ADAMTS15: variants seen among roughly 807,000 people sequenced by gnomAD.
ADAMTS15 encodes the protein ADAM metallopeptidase with thrombospondin type 1 motif 15.
Under a neutral mutation model 79.1 loss-of-function variants are expected in ADAMTS15, and 35 were observed. That is an observed-to-expected ratio of 0.44 (90% confidence interval 0.34 to 0.59). ADAMTS15 has a LOEUF of 0.59. Among genes scored for constraint, ADAMTS15 ranks in the 20% least tolerant of loss-of-function variants. The pLI is 0.02. For synonymous variants in ADAMTS15, 616 were observed against 567.3 expected (o/e 1.09, Z -1.22); for missense variants, 1,324 against 1,318.7 (o/e 1.00, Z -0.06).
intron 5 of ADAMTS15, among the ~76,000 whole-genome samples, chr11:130,470,089 T>C (rs895829979): frequency 6.5e-5 from 9 of 138,568 alleles, no homozygotes; most frequent in Non-Finnish European, 1.4e-4. Context: ...TACTTCAGAA[T>C]TATAGTAGTT....
chr11:130,471,795 AAT>A, intron 7 of ADAMTS15, among the ~76,000 whole-genome samples: 1 of 152,140 alleles, frequency 6.6e-6, no homozygotes, highest in Non-Finnish European at 1.5e-5. Flanking sequence ...GTATAATACT[AAT>A]ATATTTCATG....
chr11:130,471,078 T>C lies in ADAMTS15; in HGVS notation c.1879T>C (p.Tyr627His), dbSNP rs766547214. The change falls in exon 6 of 8, where the codon TAC (tyrosine) becomes CAC (histidine). Residue 627 changes from tyrosine to histidine, a missense_variant. By Grantham distance (83) the Tyr-to-His change is moderately conservative (BLOSUM62 2). Coordinates refer to ENST00000299164, the MANE Select transcript of ADAMTS15 (RefSeq NM_139055.4). Reference sequence around the variant, plus strand: ...CATCTGCCGAGCCAATGGCACTGGCTACTTCTATGTGCTGGCACCCAAGGT... The same window carrying C: ...CATCTGCCGAGCCAATGGCACTGGCCACTTCTATGTGCTGGCACCCAAGGT... ...KLICRANGTGYFYVLAPKVVD... is the reference protein window; with the variant it reads ...KLICRANGTGHFYVLAPKVVD... 1.7e-5 allele frequency: 28 copies of C among 1,613,940 alleles called. No homozygotes were observed. Among genetic ancestry groups the C allele is most frequent in the Non-Finnish European group, 2.2e-5 (26 of 1,179,936 alleles).
chr11:130,450,529 G>A (rs553431288), intron 1 of ADAMTS15: 4 of 758,452 alleles, frequency 5.3e-6, no homozygotes, highest in Admixed American at 1.3e-4. Context: ...AGTACTGCGA[G>A]CATCCCTCCT....
chr11:130,448,911 G>C lies in ADAMTS15; in HGVS notation c.-63G>C. On this transcript the variant is annotated 5_prime_UTR_variant, in exon 1 of 8. Transcript: ENST00000299164. Reference sequence around the variant, plus strand: ...AGAGTGCGGGCTGCACGGAGACCGCGGCAGCGGCCGGAGAGCCCGGCCCAG... The same window carrying C: ...AGAGTGCGGGCTGCACGGAGACCGCCGCAGCGGCCGGAGAGCCCGGCCCAG... The C allele has an allele frequency of 7.7e-7, 1 of 1,301,134 alleles. No homozygotes were observed. The allele number at this position is 1,301,134 out of a possible 1,614,324, so 80.6% of individuals were successfully genotyped here.
At chr11:130,450,338 C>T (rs1937938787) in intron 1 of ADAMTS15, 1 of 985,328 alleles carries the variant, frequency 1.0e-6, no homozygotes, top group African/African-American at 1.7e-5. Flanking sequence ...TGAGTCTTCT[C>T]GGACACCTCC....
At chr11:130,458,676 A>C (rs1051806865) in intron 1 of ADAMTS15, among the ~76,000 whole-genome samples, 1 of 152,200 alleles carries the variant, frequency 6.6e-6, no homozygotes, top group African/African-American at 2.4e-5. Flanking sequence ...GGATAAAGTC[A>C]CACATCTACT....
At chr11:130,457,291 T>C (rs1174619945) in intron 1 of ADAMTS15, among the ~76,000 whole-genome samples, 1 of 151,886 alleles carries the variant, frequency 6.6e-6, no homozygotes, top group African/African-American at 2.4e-5. Context: ...TTTGTACTGC[T>C]GGAAAACATT....
At position 130,473,650 on chromosome 11, in the gene ADAMTS15, C is replaced by T. The variant is rs1230863029; in HGVS notation, c.2682C>T (p.Cys894=). 1 of 1,607,296 alleles carries T rather than the reference C, an allele frequency of 6.2e-7. No individual in the cohort carries two copies. The highest frequency in any genetic ancestry group is 1.7e-5 in the Admixed American group (1 of 60,018). ...AGACACAAGCCTGCGGGGAGCCCTG[C>T]CCCACCTGGGAGCTCAGCGCCTGGT... The part of the protein sequence containing the change: ...PVETQACGEP[C]PTWELSAWSP... Residue 894 remains cysteine, a synonymous_variant, in exon 8 of 8, where the codon TGC becomes TGT. Transcript: ENST00000299164.
rs567466794 is a variant in ADAMTS15 at position 130,473,026 on chromosome 11, G to A, written c.2079-21G>A. 4.3e-6 allele frequency: 7 copies of A among 1,610,552 alleles called. No homozygotes were observed. In the African/African-American group the frequency reaches 5.3e-5, roughly 12 times the overall value. On this transcript the variant is annotated intron_variant, in intron 7 of 7. Coordinates refer to ENST00000299164, the MANE Select transcript of ADAMTS15 (RefSeq NM_139055.4). Reference sequence around the variant, plus strand: ...AGGTCCAGGCTTCTATCTGATGCACGGCCCCCCTTTCCCCCGCCAGGCATG... The same window carrying A: ...AGGTCCAGGCTTCTATCTGATGCACAGCCCCCCTTTCCCCCGCCAGGCATG...
chr11:130,466,761 C>T (rs1426934841), intron 4 of ADAMTS15, among the ~76,000 whole-genome samples: 1 of 152,218 alleles, frequency 6.6e-6, no homozygotes, highest in Non-Finnish European at 1.5e-5. Flanking sequence ...TTTGCCCCGG[C>T]TCCCATTTCT....
At position 130,449,408 on chromosome 11, in the gene ADAMTS15, G is replaced by GGCGGC. The variant is rs1192971004; in HGVS notation, c.438_442dup (p.Gln148ArgfsTer98). Reference sequence around the variant, plus strand: ...GCCCGCTGCCCAATGCTAGCGCGCCGGCGGCGCAGCGCAACAGCCAGGGCG... The same window carrying GGCGGC: ...GCCCGCTGCCCAATGCTAGCGCGCCGGCGGCGCGGCGCAGCGCAACAGCCAGGGCG... On this transcript the variant is annotated frameshift_variant, in exon 1 of 8. Coordinates refer to ENST00000299164, the MANE Select transcript of ADAMTS15 (RefSeq NM_139055.4). LOFTEE classifies it high-confidence loss of function. This position sits in a 1 kb window ranked among gnomAD's most constrained non-coding sequence, Gnocchi z 7.8. 6.3e-7 allele frequency: 1 copy of GGCGGC among 1,598,052 alleles called. No individual in the cohort carries two copies. The highest frequency in any genetic ancestry group is 1.3e-5 in the African/African-American group (1 of 74,818).
At chr11:130,464,240 T>C (rs1263783956) in intron 4 of ADAMTS15, among the ~76,000 whole-genome samples, 1 of 152,132 alleles carries the variant, frequency 6.6e-6, no homozygotes, top group African/African-American at 2.4e-5. Context: ...TAATATTGGA[T>C]AGAGAAAATG....
At chr11:130,455,504 A>G (rs187773990) in intron 1 of ADAMTS15, among the ~76,000 whole-genome samples, 1 of 152,224 alleles carries the variant, frequency 6.6e-6, no homozygotes, top group East Asian at 1.9e-4. Flanking sequence ...TCAGTAGGTG[A>G]TTGTGGAAGG....
In ADAMTS15 at chr11:130,462,209, G is replaced by A. The variant is rs531491655; in HGVS notation, c.1213G>A (p.Ala405Thr). 3.5e-5 allele frequency: 56 copies of A among 1,614,072 alleles called. No homozygotes were observed. In the South Asian group the frequency reaches 5.5e-4, roughly 16 times the overall value. The change falls in exon 3 of 8, where the codon GCC becomes ACC. Residue 405 changes from alanine to threonine, a missense_variant. Ala to Thr is a moderately conservative substitution (Grantham distance 58). Transcript: ENST00000299164. This position sits in a 1 kb window ranked among gnomAD's most constrained non-coding sequence, Gnocchi z 4.3. Reference protein sequence around the residue: ...IQIDRANPWSACSAAIITDFL... With the variant: ...IQIDRANPWSTCSAAIITDFL... ...GATCGACCGTGCCAACCCCTGGTCA[G>A]CCTGCAGTGCTGCCATCATCACCGA...
chr11:130,470,343 A>G (rs781461765), intron 5 of ADAMTS15, among the ~76,000 whole-genome samples: 33 of 150,906 alleles, frequency 2.2e-4, no homozygotes, highest in Non-Finnish European at 3.2e-4. Context: ...CAGCCTCCCA[A>G]GCAGCTGGGA....
At chr11:130,466,436 C>T (rs542218293) in intron 4 of ADAMTS15, among the ~76,000 whole-genome samples, 1 of 152,320 alleles carries the variant, frequency 6.6e-6, no homozygotes, top group South Asian at 2.1e-4. Flanking sequence ...CTGGTCATCT[C>T]CCCTGAAGCT....
intron 4 of ADAMTS15, among the ~76,000 whole-genome samples, chr11:130,465,515 G>C (rs1407043376): frequency 1.3e-5 from 2 of 152,078 alleles, no homozygotes; most frequent in Admixed American, 1.3e-4. Context: ...CTGTTTCTCT[G>C]ACTCCCTTCA....
chr11:130,450,189 TC>T (rs1937934782), intron 1 of ADAMTS15: 2 of 985,448 alleles, frequency 2.0e-6, no homozygotes, highest in Non-Finnish European at 2.4e-6. Context: ...AATCAGCGCC[TC>T]CTGGATCAGG....
At chr11:130,455,314 G>A (rs1226910814) in intron 1 of ADAMTS15, among the ~76,000 whole-genome samples, 1 of 152,104 alleles carries the variant, frequency 6.6e-6, no homozygotes, top group Non-Finnish European at 1.5e-5. Flanking sequence ...GTTTGGGATG[G>A]CCCTGATTTA....
Sources: gnomAD v4.1 joint callset for allele counts (sites outside exome capture counted in the v4.1 genomes callset) on GRCh38, gnomAD v4.1.1 for gene constraint, Gnocchi (gnomAD v3.1) non-coding constraint, MANE v1.5 for transcripts, NCBI Gene and HGNC (gene_info 2026-07-23, HGNC 2026-07-21) for gene names.